REV3L: variants seen among roughly 807,000 people sequenced by gnomAD.
The protein encoded by REV3L is DNA polymerase zeta catalytic subunit.
In REV3L, 69 loss-of-function variants were observed where a neutral mutation model predicts 299.4. That is an observed-to-expected ratio of 0.23 (90% CI 0.19 to 0.28). The LOEUF is 0.28. Among genes scored for constraint, REV3L ranks in the 10% least tolerant of loss-of-function variants. The pLI is 1.00. For synonymous variants in REV3L, 1,238 were observed against 1,271.4 expected (o/e 0.97, Z 0.56); for missense variants, 3,128 against 3,693.8 (o/e 0.85, Z 3.97).
chr6:111,352,184 T>C lies in REV3L; in HGVS notation c.7185-393A>G, dbSNP rs540051264. Among the ~76,000 whole-genome samples the C allele has an allele frequency of 5.3e-5, 8 of 152,172 alleles. No homozygotes were observed. The South Asian group carries it at 1.7e-3, about 32-fold the overall frequency. ...ACCACGCCCGGCTAATTTTTTGTATTTTTAGTAGAGATGAGGTTTCACCAT... is the reference window on the plus strand; with the variant it reads ...ACCACGCCCGGCTAATTTTTTGTATCTTTAGTAGAGATGAGGTTTCACCAT... On this transcript the variant is annotated intron_variant, in intron 18 of 31. Transcript: ENST00000368802.
At position 111,322,108 on chromosome 6, in the gene REV3L, T is replaced by C. The variant is rs1774254195; in HGVS notation, c.8351+461A>G. Among the ~76,000 whole-genome samples, 3 of 152,224 alleles carry C rather than the reference T, an allele frequency of 2.0e-5. 1 individual carries two copies. Among genetic ancestry groups the C allele is most frequent in the East Asian group, 3.8e-4 (2 of 5,198 alleles). On this transcript the variant is annotated intron_variant, in intron 26 of 31. Coordinates refer to ENST00000368802, the MANE Select transcript of REV3L (RefSeq NM_001372078.1). Reference sequence around the variant, plus strand: ...AAATGGAAAACTGTATTTGCCTATATGCACTTCTCTTAGAAGGTCAACATA... The same window carrying C: ...AAATGGAAAACTGTATTTGCCTATACGCACTTCTCTTAGAAGGTCAACATA...
chr6:111,437,608 T>C (rs924258891), intron 1 of REV3L, among the ~76,000 whole-genome samples: 1 of 152,002 alleles, frequency 6.6e-6, no homozygotes, highest in Non-Finnish European at 1.5e-5. Flanking sequence ...ACATATTATA[T>C]GACTCCATTT....
chr6:111,339,932 G>C (rs1776317182), intron 21 of REV3L, among the ~76,000 whole-genome samples: 1 of 152,062 alleles, frequency 6.6e-6, no homozygotes, highest in Non-Finnish European at 1.5e-5. Context: ...CTAATGCTTT[G>C]TCAAACTTAA....
At chr6:111,325,929 C>T (rs1582522822) in intron 25 of REV3L, among the ~76,000 whole-genome samples, 1 of 152,178 alleles carries the variant, frequency 6.6e-6, no homozygotes, top group East Asian at 1.9e-4. Flanking sequence ...CCTCCCTCCC[C>T]ACCTCATTGC....
intron 1 of REV3L, among the ~76,000 whole-genome samples, chr6:111,471,057 T>C (rs1792145707): frequency 6.6e-6 from 1 of 152,244 alleles, no homozygotes; most frequent in South Asian, 2.1e-4. Context: ...GTAGAAAATA[T>C]ATGGTGATGA....
chr6:111,412,043 C>T (rs781628260), intron 2 of REV3L: 62 of 985,100 alleles, frequency 6.3e-5, no homozygotes, highest in Non-Finnish European at 6.9e-5. Context: ...TACTTAACAA[C>T]ACTTACATTA....
At chr6:111,471,980 C>T in intron 1 of REV3L, 1 of 1,118,586 alleles carries the variant, frequency 8.9e-7, no homozygotes, top group Non-Finnish European at 1.1e-6. Flanking sequence ...ACCCCCCTCA[C>T]CCCCAATATA....
intron 1 of REV3L, among the ~76,000 whole-genome samples, chr6:111,457,732 T>C (rs1790313694): frequency 6.6e-6 from 1 of 151,804 alleles, no homozygotes; most frequent in Non-Finnish European, 1.5e-5. Flanking sequence ...ATGGCCCATA[T>C]ACCTGCAATT....
At position 111,374,927 on chromosome 6, in the gene REV3L, G is replaced by C. The variant is rs1433949530; in HGVS notation, c.3428C>G (p.Ala1143Gly). Reference protein sequence around the residue: ...DPRAEEIMAAAEKEAMLFKGP... With the variant: ...DPRAEEIMAAGEKEAMLFKGP... ...CTTAAAAAGCATTGCCTCTTTTTCT[G>C]CAGCAGCCATGATTTCTTCAGCTCT... is the stretch of plus-strand genomic sequence containing the variant. Residue 1143 changes from alanine (A) to glycine (G), a missense_variant, in exon 13 of 32, where the codon GCA (alanine) becomes GGA (glycine). Transcript: ENST00000368802. 5 of 1,612,242 alleles carry C rather than the reference G, an allele frequency of 3.1e-6. No individual in the cohort carries two copies. The highest frequency in any genetic ancestry group is 4.2e-6 in the Non-Finnish European group (5 of 1,179,480).
chr6:111,389,796 G>A (rs567371585), intron 6 of REV3L, among the ~76,000 whole-genome samples: 45 of 135,680 alleles, frequency 3.3e-4, no homozygotes, highest in Non-Finnish European at 5.2e-4. Flanking sequence ...GAGTGCAGTG[G>A]TGCGATCTTG....
At chr6:111,351,528 C>T in intron 19 of REV3L, 148 bp downstream of exon 19, 2 of 492,496 alleles carry the variant, frequency 4.1e-6, no homozygotes, top group Non-Finnish European at 7.3e-6. Flanking sequence ...TTAATTTTTT[C>T]TACAATGGAG....
rs745744540 is a variant in REV3L at position 111,375,519 on chromosome 6, G to A, written c.2836C>T (p.Pro946Ser). ...FVTHNSKISL[P>S]HPMEIGESLD... is the part of the protein sequence containing the mutation. ...CTTTCACCAATTTCCATGGGATGAG[G>A]TAGACTAATTTTTGAGTTGTGAGTT... The change falls in exon 13 of 32, where the codon CCT (proline) becomes TCT (serine). Residue 946 changes from proline to serine, a missense_variant. Coordinates refer to ENST00000368802, the MANE Select transcript of REV3L (RefSeq NM_001372078.1). 14 of 1,612,990 alleles carry A rather than the reference G, an allele frequency of 8.7e-6. No individual in the cohort carries two copies. The Admixed American group carries it at 1.7e-4, about 19-fold the overall frequency.
rs762776472 is a variant in REV3L, at chr6:111,411,580, AATT to A, written c.330-29_330-27del. 4.3e-5 allele frequency: 60 copies of A among 1,382,050 alleles called. No homozygotes were observed. The African/African-American group carries it at 6.9e-4, about 16-fold the overall frequency. The allele number at this position is 1,382,050 out of a possible 1,614,324, so 85.6% of individuals were successfully genotyped here. ...CTGAAATATAAGAAAAAAAATTTCA[AATT>A]ATTTTCATAATTCAGAGATGAAATA... On this transcript the variant is annotated intron_variant, in intron 2 of 31. Coordinates refer to ENST00000368802, the MANE Select transcript of REV3L (RefSeq NM_001372078.1).
Position 111,373,326 on chromosome 6 carries a change from A to C in REV3L, c.5029T>G (p.Phe1677Val). The C allele has an allele frequency of 6.2e-7, 1 of 1,613,966 alleles. No individual in the cohort carries two copies. Among genetic ancestry groups the C allele is most frequent in the Non-Finnish European group, 8.5e-7 (1 of 1,179,956 alleles). The change falls in exon 13 of 32, where the codon TTC (phenylalanine) becomes GTC (valine). Residue 1677 changes from phenylalanine to valine, a missense_variant. Transcript: ENST00000368802. Reference protein sequence around the residue: ...VPADQNLPQKFLSDAVQDLFP... With the variant: ...VPADQNLPQKVLSDAVQDLFP... ...AGATCCTGAACAGCATCACTTAGGA[A>C]CTTCTGAGGCAAATTCTGATCAGCT...
intron 4 of REV3L, among the ~76,000 whole-genome samples, chr6:111,397,038 C>T (rs1782586626): frequency 6.6e-6 from 1 of 150,450 alleles, no homozygotes; most frequent in Non-Finnish European, 1.5e-5. Flanking sequence ...GTCTAGCTAG[C>T]GATTTATTGA....
chr6:111,410,527 G>A (rs940735777), intron 3 of REV3L, among the ~76,000 whole-genome samples: 2 of 152,192 alleles, frequency 1.3e-5, no homozygotes, highest in African/African-American at 4.8e-5. Flanking sequence ...CACAGAAATT[G>A]CTCTTTTGTA....
rs1313606005 is a variant in REV3L at position 111,423,973 on chromosome 6, T to C, written c.140-7501A>G. 4.6e-5 allele frequency among the ~76,000 whole-genome samples: 7 copies of C among 152,202 alleles called. No homozygotes were observed. In the East Asian group the frequency reaches 1.2e-3, roughly 25 times the overall value. On this transcript the variant is annotated intron_variant, in intron 1 of 31. Transcript: ENST00000368802. Reference sequence around the variant, plus strand: ...TATTTAAATGAAACACATACAGATATGGAGCTTAAGAAAGAGATCTGAGCT... The same window carrying C: ...TATTTAAATGAAACACATACAGATACGGAGCTTAAGAAAGAGATCTGAGCT...
At chr6:111,412,843 A>G (rs552258902) in intron 2 of REV3L, among the ~76,000 whole-genome samples, 1 of 151,734 alleles carries the variant, frequency 6.6e-6, no homozygotes, top group African/African-American at 2.4e-5. Context: ...TCCAATCTCA[A>G]GTCATACCAT....
intron 25 of REV3L, among the ~76,000 whole-genome samples, chr6:111,327,491 C>T (rs1017624870): frequency 2.7e-5 from 4 of 150,902 alleles, no homozygotes; most frequent in African/African-American, 9.8e-5. Context: ...GAGGTCGAGG[C>T]TGCAGTGAGC....
Sources: allele counts gnomAD v4.1 joint callset (sites outside exome capture counted in the v4.1 genomes callset), GRCh38; gene constraint gnomAD v4.1.1; transcripts MANE v1.5; gene names NCBI Gene and HGNC (gene_info 2026-07-23, HGNC 2026-07-21).